The following CDH10 variants were observed in gnomAD, a reference collection of about 807,000 sequenced individuals.
CDH10 encodes the protein cadherin-10.
Under a neutral mutation model 73.1 loss-of-function variants are expected in CDH10, and 30 were observed. The ratio of observed to expected loss-of-function variants is 0.41; its 90% CI spans 0.31 to 0.56. CDH10 has a LOEUF of 0.56. CDH10 is among the 20% of genes least tolerant of loss of function. CDH10 has a pLI of 0.27. For missense variants in CDH10, 815 were observed against 973.7 expected, an observed-to-expected ratio of 0.84 and a Z score of 2.17; for synonymous variants, 345 against 348.2, an observed-to-expected ratio of 0.99 and a Z score of 0.10.
In CDH10 at chr5:24,487,656, T is replaced by A; in HGVS notation, c.*7A>T. On this transcript the variant is annotated 3_prime_UTR_variant, in exon 12 of 12. Transcript: ENST00000264463. ...TTCTCTTGTTTGAACAGAACATATATCCTACGTTAAGAGTCTTTGTCACTT... is the reference window on the plus strand; with the variant it reads ...TTCTCTTGTTTGAACAGAACATATAACCTACGTTAAGAGTCTTTGTCACTT... 1 of 1,605,636 alleles carries A rather than the reference T, an allele frequency of 6.2e-7. No individual in the cohort carries two copies. The highest frequency in any genetic ancestry group is 1.1e-5 in the South Asian group (1 of 89,842).
chr5:24,604,822 G>A lies in CDH10; in HGVS notation c.-123-11209C>T, dbSNP rs368281230. 4.7e-5 allele frequency among the ~76,000 whole-genome samples: 7 copies of A among 148,902 alleles called. No individual in the cohort carries two copies. In the East Asian group the frequency reaches 7.9e-4, roughly 17 times the overall value. On this transcript the variant is annotated intron_variant, in intron 1 of 11. Coordinates refer to ENST00000264463, the MANE Select transcript of CDH10 (RefSeq NM_006727.5). ...CGGGAGGCGGAGGTTGCAGTGAGCC[G>A]AGGTCAAGCCATTGCAGTCAAACCT...
At chr5:24,556,587 C>T (rs559142003) in intron 2 of CDH10, among the ~76,000 whole-genome samples, 121 of 151,644 alleles carry the variant, frequency 8.0e-4, no homozygotes, top group Non-Finnish European at 1.3e-3. Context: ...TTATAATGAG[C>T]TCCATCCTTA....
At chr5:24,610,427 T>C (rs1746904445) in intron 1 of CDH10, among the ~76,000 whole-genome samples, 1 of 152,180 alleles carries the variant, frequency 6.6e-6, no homozygotes, top group African/African-American at 2.4e-5. Context: ...TCCATTATGC[T>C]AATTGTATTT....
intron 2 of CDH10, among the ~76,000 whole-genome samples, chr5:24,557,731 G>A (rs1481581870): frequency 2.6e-5 from 4 of 151,616 alleles, no homozygotes; most frequent in Admixed American, 1.3e-4. Context: ...TAACTACTTC[G>A]GCTTCTGCAG....
chr5:24,525,991 G>T (rs1743518579), intron 5 of CDH10, among the ~76,000 whole-genome samples: 1 of 152,046 alleles, frequency 6.6e-6, no homozygotes, highest in African/African-American at 2.4e-5. Context: ...ATTCAGCGAG[G>T]TTAAGACAAA....
intron 2 of CDH10, among the ~76,000 whole-genome samples, chr5:24,578,858 A>T (rs1222493637): frequency 6.6e-6 from 1 of 152,164 alleles, no homozygotes; most frequent in Non-Finnish European, 1.5e-5. Flanking sequence ...TTGCCATCTA[A>T]ATCCAACAAA....
At chr5:24,572,935 G>GAAAAAAAAAAAAAAAAAAAAAAAAAAAAA (rs55946839) in intron 2 of CDH10, among the ~76,000 whole-genome samples, 1 of 72,116 alleles carries the variant, frequency 1.4e-5, no homozygotes, top group Non-Finnish European at 2.5e-5. Context: ...CTTAGAAAAA[G>GAAAAAAAAAAAAAAAAAAAAAAAAAAAAA]AAAAAAAAAA....
At chr5:24,580,260 A>C (rs1318088840) in intron 2 of CDH10, among the ~76,000 whole-genome samples, 1 of 152,078 alleles carries the variant, frequency 6.6e-6, no homozygotes, top group African/African-American at 2.4e-5. Flanking sequence ...ATAATTTTTG[A>C]GTTTTATAAA....
At chr5:24,542,004 T>A (rs1057356268) in intron 2 of CDH10, among the ~76,000 whole-genome samples, 1 of 152,154 alleles carries the variant, frequency 6.6e-6, no homozygotes, top group Non-Finnish European at 1.5e-5. Context: ...TATTTACAAC[T>A]AAATGATAGA....
chr5:24,497,566 T>A (rs1258961455), intron 9 of CDH10, among the ~76,000 whole-genome samples: 3 of 152,360 alleles, frequency 2.0e-5, no homozygotes, highest in Non-Finnish European at 1.5e-5. Flanking sequence ...TTTGAATTAT[T>A]CCACAATATA....
At chr5:24,574,285 T>G (rs1312963841) in intron 2 of CDH10, among the ~76,000 whole-genome samples, 3 of 152,130 alleles carry the variant, frequency 2.0e-5, no homozygotes, top group African/African-American at 7.2e-5. Context: ...AATATGTCAC[T>G]TTTTTCAAAA....
chr5:24,504,551 A>G (rs1205818419), intron 8 of CDH10, among the ~76,000 whole-genome samples: 2 of 70,316 alleles, frequency 2.8e-5, no homozygotes, highest in Non-Finnish European at 6.1e-5. Context: ...TTTAAGATGG[A>G]ATCTCGCTCT....
intron 5 of CDH10, among the ~76,000 whole-genome samples, chr5:24,530,016 C>T (rs1484704374): frequency 4.9e-5 from 6 of 121,828 alleles, no homozygotes; most frequent in Admixed American, 9.3e-5. Context: ...TCTATTTTTA[C>T]TTTTTTTTTT....
At chr5:24,570,304 T>C (rs1037945242) in intron 2 of CDH10, among the ~76,000 whole-genome samples, 2 of 152,190 alleles carry the variant, frequency 1.3e-5, no homozygotes, top group South Asian at 2.1e-4. Flanking sequence ...ATAGATTTAC[T>C]AGCCTCAGTT....
At chr5:24,536,769 T>C (rs1490054069) in intron 3 of CDH10, among the ~76,000 whole-genome samples, 3 of 152,034 alleles carry the variant, frequency 2.0e-5, no homozygotes, top group Non-Finnish European at 4.4e-5. Flanking sequence ...ACAATCTAAC[T>C]TGGTAATTCT....
chr5:24,616,124 TAAAA>T (rs11326457), intron 1 of CDH10, among the ~76,000 whole-genome samples: 1 of 147,048 alleles, frequency 6.8e-6, no homozygotes, highest in Non-Finnish European at 1.5e-5. Flanking sequence ...TTCAGAAAGT[TAAAA>T]AAAAAAAGAA....
chr5:24,561,850 A>G (rs772205714), intron 2 of CDH10, among the ~76,000 whole-genome samples: 5 of 152,172 alleles, frequency 3.3e-5, no homozygotes, highest in Non-Finnish European at 7.4e-5. Flanking sequence ...TTAATTAAAG[A>G]TTGGGATTCA....
At chr5:24,603,926 C>T (rs908020731) in intron 1 of CDH10, among the ~76,000 whole-genome samples, 4 of 152,080 alleles carry the variant, frequency 2.6e-5, no homozygotes, top group Admixed American at 6.6e-5. Flanking sequence ...CATGGAACAT[C>T]CCAGAGAAGT....
intron 2 of CDH10, among the ~76,000 whole-genome samples, chr5:24,545,712 A>G (rs1744314486): frequency 6.6e-6 from 1 of 152,030 alleles, no homozygotes; most frequent in South Asian, 2.1e-4. Context: ...TTGGGACTCA[A>G]CTGGGACTCA....
Sources: gnomAD v4.1 joint callset for allele counts (sites outside exome capture counted in the v4.1 genomes callset) on GRCh38, gnomAD v4.1.1 for gene constraint, MANE v1.5 for transcripts, NCBI Gene and HGNC (gene_info 2026-07-23, HGNC 2026-07-21) for gene names.